Variants in LRRC49 observed in about 807,000 individuals in gnomAD.
LRRC49 encodes leucine rich repeat containing 49.
LRRC49 carries 50 observed loss-of-function variants against 83.3 expected under a neutral mutation model. That is an observed-to-expected ratio of 0.60 (90% CI 0.48 to 0.76). The LOEUF (loss-of-function observed/expected upper bound fraction) is 0.76, where lower values mean the gene tolerates loss of function less well. Ranked by LOEUF, LRRC49 falls within the 30% of genes least tolerant of loss-of-function variation. The pLI, the probability that LRRC49 is intolerant of heterozygous loss-of-function variation, is 0.00. For synonymous variants in LRRC49, 286 were observed against 283.3 expected, an observed-to-expected ratio of 1.01 and a Z score of -0.10; for missense variants, 704 against 809.1, an observed-to-expected ratio of 0.87 and a Z score of 1.58.
intron 2 of LRRC49, among the ~76,000 whole-genome samples, chr15:70,878,342 G>A (rs999753288): frequency 2.0e-5 from 3 of 151,992 alleles, no homozygotes; most frequent in Admixed American, 6.6e-5. Context: ...GAGGTTCTAC[G>A]TACATAATCA....
At chr15:71,015,756 T>C (rs1485197405) in intron 14 of LRRC49, among the ~76,000 whole-genome samples, 2 of 152,214 alleles carry the variant, frequency 1.3e-5, no homozygotes, top group Non-Finnish European at 2.9e-5. Context: ...AAATTGTAAA[T>C]GCACATACCT....
intron 6 of LRRC49, among the ~76,000 whole-genome samples, chr15:70,916,868 C>G (rs1415219760): frequency 6.6e-6 from 1 of 152,160 alleles, no homozygotes; most frequent in Non-Finnish European, 1.5e-5. Context: ...CTGCAGCCTC[C>G]CAAACTGCAG....
intron 7 of LRRC49, among the ~76,000 whole-genome samples, chr15:70,924,788 A>G (rs1384825572): frequency 6.6e-6 from 1 of 152,040 alleles, no homozygotes; most frequent in African/African-American, 2.4e-5. Flanking sequence ...TTGTTTATCA[A>G]AAAATGAGTT....
chr15:70,930,241 A>G (rs2035357286), intron 7 of LRRC49, among the ~76,000 whole-genome samples: 1 of 152,236 alleles, frequency 6.6e-6, no homozygotes, highest in Non-Finnish European at 1.5e-5. Flanking sequence ...GTTAGCAGGC[A>G]TGAAAACAAC....
At chr15:70,870,071 C>T (rs2032995044) in intron 1 of LRRC49, among the ~76,000 whole-genome samples, 1 of 152,178 alleles carries the variant, frequency 6.6e-6, no homozygotes, top group African/African-American at 2.4e-5. Flanking sequence ...TCTTTGGTTT[C>T]TTTCAGTTTG....
intron 9 of LRRC49, among the ~76,000 whole-genome samples, chr15:70,973,316 A>T (rs2037082811): frequency 1.3e-5 from 2 of 152,220 alleles, no homozygotes; most frequent in Non-Finnish European, 2.9e-5. Flanking sequence ...CAGATGCTGC[A>T]GAACAGCAAA....
At chr15:70,968,121 A>G (rs2036856747) in intron 9 of LRRC49, among the ~76,000 whole-genome samples, 1 of 151,918 alleles carries the variant, frequency 6.6e-6, no homozygotes. Context: ...TATTTCTCCT[A>G]ATGCTATCCC....
chr15:70,855,720 C>G (rs1445807415), intron 1 of LRRC49, among the ~76,000 whole-genome samples: 1 of 152,102 alleles, frequency 6.6e-6, no homozygotes, highest in African/African-American at 2.4e-5. Flanking sequence ...TAGAAGAGGT[C>G]CTAAAATAAG....
At chr15:70,942,588 A>G (rs1567062533) in intron 8 of LRRC49, among the ~76,000 whole-genome samples, 1 of 152,196 alleles carries the variant, frequency 6.6e-6, no homozygotes, top group African/African-American at 2.4e-5. Flanking sequence ...GGTAGTATCA[A>G]TGAAGAGAGT....
In LRRC49 at chr15:70,984,188, A is replaced by C; in HGVS notation, c.1100A>C (p.Asp367Ala). ...ANIATNEDRK[D>A]SDSPQDPCQI... The stretch of plus-strand genomic sequence containing the variant: ...ATTGCTACAAATGAAGATAGAAAAG[A>C]TTCTGACTCTCCTCAGGACCCCTGT... Residue 367 changes from aspartate (D) to alanine (A), a missense_variant, in exon 11 of 16, where the codon GAT becomes GCT. Around this residue, in one of 3 missense-constraint regions of LRRC49, gnomAD observed 168 missense variants for 140.6 expected, o/e 1.20. Coordinates refer to ENST00000260382, the MANE Select transcript of LRRC49 (RefSeq NM_017691.5). The C allele has an allele frequency of 6.2e-7, 1 of 1,613,570 alleles. No homozygotes were observed. The highest frequency in any genetic ancestry group is 1.7e-5 in the Admixed American group (1 of 59,972).
At chr15:71,008,695 C>G in intron 12 of LRRC49, 79 bp downstream of exon 12, 1 of 978,916 alleles carries the variant, frequency 1.0e-6, no homozygotes, top group Non-Finnish European at 1.6e-6. Flanking sequence ...CCTGTTTTAA[C>G]TTGTATTTAT....
intron 1 of LRRC49, among the ~76,000 whole-genome samples, chr15:70,861,122 T>A (rs1358838456): frequency 6.6e-6 from 1 of 152,230 alleles, no homozygotes; most frequent in Non-Finnish European, 1.5e-5. Context: ...TTTTGATATA[T>A]TTTTGTCACA....
chr15:70,877,526 T>C (rs760964659), intron 2 of LRRC49, among the ~76,000 whole-genome samples: 1 of 152,240 alleles, frequency 6.6e-6, no homozygotes, highest in African/African-American at 2.4e-5. Context: ...GTTTTGTATA[T>C]GTTTGTTTTA....
chr15:70,944,467 C>T (rs1037946849), intron 8 of LRRC49, among the ~76,000 whole-genome samples: 1 of 152,094 alleles, frequency 6.6e-6, no homozygotes, highest in Admixed American at 6.5e-5. Flanking sequence ...TGCACTGGCG[C>T]GATCTCCGTT....
intron 15 of LRRC49, among the ~76,000 whole-genome samples, chr15:71,042,479 G>T (rs1004522676): frequency 5.9e-5 from 9 of 152,150 alleles, no homozygotes; most frequent in African/African-American, 2.2e-4. Flanking sequence ...GTGGATTTGA[G>T]CCCCTGATTC....
intron 15 of LRRC49, among the ~76,000 whole-genome samples, chr15:71,037,838 C>T (rs1227542213): frequency 6.6e-6 from 1 of 152,086 alleles, no homozygotes; most frequent in African/African-American, 2.4e-5. Flanking sequence ...AATATAGCTA[C>T]TTAGCCAGGA....
At chr15:70,907,990 G>C (rs1237980510) in intron 5 of LRRC49, 1 of 456,006 alleles carries the variant, frequency 2.2e-6, no homozygotes. Context: ...CTTTAGAATT[G>C]GGTAAGTTTT....
intron 8 of LRRC49, among the ~76,000 whole-genome samples, chr15:70,950,038 C>A (rs1453089347): frequency 1.3e-5 from 2 of 152,032 alleles, no homozygotes; most frequent in African/African-American, 2.4e-5. Flanking sequence ...CGTCTGGCTC[C>A]CACTTATAAG....
intron 2 of LRRC49, among the ~76,000 whole-genome samples, chr15:70,875,212 G>A (rs562590348): frequency 1.4e-4 from 21 of 152,240 alleles, no homozygotes; most frequent in African/African-American, 5.1e-4. Context: ...CAGTTCTTTG[G>A]TGCTTTAGCT....
Sources: allele counts gnomAD v4.1 joint callset (sites outside exome capture counted in the v4.1 genomes callset), GRCh38; gene constraint gnomAD v4.1.1; regional missense constraint gnomAD v4.1.1; transcripts MANE v1.5; gene names NCBI Gene and HGNC (gene_info 2026-07-23, HGNC 2026-07-21).